Variants in FAM221A observed in about 807,000 individuals in gnomAD.
FAM221A encodes protein FAM221A.
Under a neutral mutation model 37.6 loss-of-function variants are expected in FAM221A, and 43 were observed. The ratio of observed to expected loss-of-function variants is 1.15; its 90% CI spans 0.90 to 1.48. The LOEUF is 1.48. Among genes scored for constraint, FAM221A ranks in the 40% most tolerant of loss-of-function variants. The pLI is 0.00. For missense variants in FAM221A, 361 were observed against 361.5 expected (o/e 1.00, Z 0.01); for synonymous variants, 135 against 132.9 (o/e 1.02, Z -0.11).
chr7:23,680,306 G>A, intron 1 of FAM221A, 23 bp downstream of exon 1: 1 of 1,499,366 alleles, frequency 6.7e-7, no homozygotes, highest in Non-Finnish European at 8.9e-7. Context: ...CTCCGGGCCT[G>A]CCCCCCCGCC....
At chr7:23,680,876 A>G (rs1783994787) in intron 1 of FAM221A, 1 of 151,340 alleles carries the variant, frequency 6.6e-6, no homozygotes, top group African/African-American at 2.4e-5. Context: ...ATCGTCCGGA[A>G]TCTGGGCGGA....
At chr7:23,691,668 A>G (rs1011051445) in intron 4 of FAM221A, 72 bp downstream of exon 4, 2 of 1,259,238 alleles carry the variant, frequency 1.6e-6, no homozygotes, top group Non-Finnish European at 2.3e-6. Context: ...GAAGCCTTAT[A>G]TTTGTTAAGC....
intron 4 of FAM221A, chr7:23,692,736 CTT>C: frequency 6.1e-6 from 6 of 982,016 alleles, no homozygotes; most frequent in Non-Finnish European, 6.0e-6. Context: ...GAATACTTCT[CTT>C]TGTCTAATTC....
intron 3 of FAM221A, 81 bp downstream of exon 3, chr7:23,689,540 TG>T (rs1247223490): frequency 7.1e-5 from 75 of 1,056,442 alleles, no homozygotes; most frequent in Non-Finnish European, 9.7e-5. Context: ...TTTTACTGGT[TG>T]TAGAGTTAAT....
At chr7:23,698,925 G>A (rs948260452) in intron 5 of FAM221A, among the ~76,000 whole-genome samples, 1 of 152,032 alleles carries the variant, frequency 6.6e-6, no homozygotes, top group Non-Finnish European at 1.5e-5. Flanking sequence ...ATACAAGTAA[G>A]AAGCCAAGAA....
At chr7:23,682,186 C>T (rs1393530554) in intron 1 of FAM221A, among the ~76,000 whole-genome samples, 1 of 151,678 alleles carries the variant, frequency 6.6e-6, no homozygotes, top group East Asian at 1.9e-4. Context: ...TCTTCTCAGC[C>T]TCCTAACTAG....
intron 4 of FAM221A, chr7:23,694,421 T>G (rs1784929840): frequency 6.6e-6 from 1 of 152,232 alleles, no homozygotes; most frequent in Non-Finnish European, 1.5e-5. Flanking sequence ...TATAACTAGC[T>G]TGTTAAATTT....
At chr7:23,701,048 A>G (rs1344166889) in intron 6 of FAM221A, among the ~76,000 whole-genome samples, 180 bp downstream of exon 6, 3 of 152,192 alleles carry the variant, frequency 2.0e-5, no homozygotes, top group Non-Finnish European at 4.4e-5. Flanking sequence ...ATAACATGAT[A>G]TTTAATACAC....
Position 23,689,425 on chromosome 7 carries a change from G to T in FAM221A, c.396G>T (p.Gln132His). 1 of 1,592,516 alleles carries T rather than the reference G, an allele frequency of 6.3e-7. No homozygotes were observed. The highest frequency in any genetic ancestry group is 2.3e-5 in the East Asian group (1 of 44,288). The stretch of plus-strand genomic sequence containing the variant: ...GCAGGTGCAAACACTTTGCTGATCA[G>T]CACAGTGCTGCGCCTGGCTTTACAT... ...IRCRCKHFADQHSAAPGFTCN... is the reference protein window; with the variant it reads ...IRCRCKHFADHHSAAPGFTCN... Residue 132 changes from glutamine (Q) to histidine (H), a missense_variant, in exon 3 of 7, where the codon CAG (glutamine) becomes CAT (histidine). Transcript: ENST00000344962.
chr7:23,698,254 G>A lies in FAM221A; in HGVS notation c.700G>A (p.Ala234Thr). The change falls in exon 5 of 7, where the codon GCA becomes ACA. Residue 234 changes from alanine (A) to threonine (T), a missense_variant. Ala to Thr is a moderately conservative substitution (Grantham distance 58). Transcript: ENST00000344962. ...ITAVDSPFLK[A>T]FQASSSSSPE... Reference sequence around the variant, plus strand: ...GGCAGTAGACAGCCCATTCCTAAAAGCATTTCAAGCATCATCTAGTTCTTC... The same window carrying A: ...GGCAGTAGACAGCCCATTCCTAAAAACATTTCAAGCATCATCTAGTTCTTC... 1 of 1,595,374 alleles carries A rather than the reference G, an allele frequency of 6.3e-7. No homozygotes were observed. Among genetic ancestry groups the A allele is most frequent in the South Asian group, 1.1e-5 (1 of 87,730 alleles).
intron 3 of FAM221A, among the ~76,000 whole-genome samples, chr7:23,690,170 C>CATATATATATATATATATATATAT (rs1175330292): frequency 1.5e-5 from 1 of 68,596 alleles, no homozygotes; most frequent in Non-Finnish European, 2.8e-5. Context: ...TGCCTTGGTT[C>CATATATATATATATATATATATAT]ATATATATAT....
intron 2 of FAM221A, among the ~76,000 whole-genome samples, chr7:23,685,781 C>T (rs1392286630): frequency 1.3e-5 from 2 of 152,162 alleles, no homozygotes; most frequent in African/African-American, 4.8e-5. Context: ...CTGAAGTTTG[C>T]GTTTTGCTGT....
chr7:23,691,302 G>A (rs2128043020), intron 3 of FAM221A, 88 bp from the exon 4 acceptor site: 1 of 1,260,268 alleles, frequency 7.9e-7, no homozygotes, highest in Non-Finnish European at 1.1e-6. Flanking sequence ...GAGGATCTAG[G>A]TTCAGCTGGC....
intron 4 of FAM221A, chr7:23,692,634 G>T (rs1005072119): frequency 2.6e-5 from 26 of 983,864 alleles, no homozygotes; most frequent in Non-Finnish European, 2.9e-5. Flanking sequence ...CAGCCACCAC[G>T]CCAGGCCCAT....
intron 1 of FAM221A, chr7:23,680,859 GT>G: frequency 6.6e-6 from 1 of 152,570 alleles, no homozygotes; most frequent in Non-Finnish European, 1.5e-5. Context: ...GCTTCCTGGG[GT>G]TTTTGATCGT....
In FAM221A at chr7:23,702,076, T is replaced by C. The variant is rs1456876972; in HGVS notation, c.829-20T>C. The C allele has an allele frequency of 5.2e-6, 8 of 1,542,138 alleles. No individual in the cohort carries two copies. Among genetic ancestry groups the C allele is most frequent in the Non-Finnish European group, 5.3e-6 (6 of 1,133,770 alleles). ...AATGGTTTACAAGTTATTATATCAATAAATATGTTAAATTTACAGATGAAA... is the reference window on the plus strand; with the variant it reads ...AATGGTTTACAAGTTATTATATCAACAAATATGTTAAATTTACAGATGAAA... On this transcript the variant is annotated intron_variant, in intron 6 of 6. Transcript: ENST00000344962.
At chr7:23,682,185 C>T (rs1459150971) in intron 1 of FAM221A, among the ~76,000 whole-genome samples, 1 of 151,032 alleles carries the variant, frequency 6.6e-6, no homozygotes, top group Non-Finnish European at 1.5e-5. Context: ...CTCTTCTCAG[C>T]CTCCTAACTA....
At chr7:23,703,143 A>T (rs1459585346), downstream of FAM221A, 1 of 152,198 alleles carries the variant, frequency 6.6e-6, no homozygotes, top group East Asian at 1.9e-4. Flanking sequence ...GCAGTGGCCA[A>T]CTCAATAATA....
rs755133433 is a variant in FAM221A at position 23,691,456 on chromosome 7, A to T, written c.497A>T (p.Asp166Val). Residue 166 changes from aspartate to valine, a missense_variant, in exon 4 of 7, where the codon GAC (aspartate) becomes GTC (valine). By Grantham distance (152) the Asp-to-Val change is radical. Transcript: ENST00000344962. ...CACGQPAYAH[D>V]TVVETKQERL... ...TGTGGTCAGCCTGCATATGCCCATG[A>T]CACAGTAGTGGAAACTAAGCAAGAA... The T allele has an allele frequency of 6.2e-7, 1 of 1,614,224 alleles. No individual in the cohort carries two copies. The highest frequency in any genetic ancestry group is 8.5e-7 in the Non-Finnish European group (1 of 1,180,048).
Sources: gnomAD v4.1 joint callset for allele counts (sites outside exome capture counted in the v4.1 genomes callset) on GRCh38, gnomAD v4.1.1 for gene constraint, MANE v1.5 for transcripts, NCBI Gene and HGNC (gene_info 2026-07-23, HGNC 2026-07-21) for gene names.